Variants in IL24 observed in about 807,000 individuals in gnomAD.
IL24 encodes interleukin-24.
IL24 carries 24 observed loss-of-function variants against 27.6 expected under a neutral mutation model. That is an observed-to-expected ratio of 0.87 (90% CI 0.63 to 1.22). IL24 has a LOEUF of 1.22. Ranked by LOEUF, IL24 falls within the 50% of genes most tolerant of loss-of-function variation. The pLI is 0.00. For missense variants in IL24, 240 were observed against 237.0 expected, an observed-to-expected ratio of 1.01 and a Z score of -0.08; for synonymous variants, 99 against 93.1, an observed-to-expected ratio of 1.06 and a Z score of -0.36.
intron 6 of IL24, chr1:206,902,393 A>ACCCCAC (rs988709648): frequency 2.1e-4 from 84 of 401,698 alleles, no homozygotes; most frequent in Non-Finnish European, 2.6e-4. Context: ...GAAGGGAGAC[A>ACCCCAC]CCCCACCCCC....
rs370686091 is a variant in IL24, at chr1:206,903,056, C to G, written c.618C>G (p.Leu206=). The G allele has an allele frequency of 2.6e-5, 42 of 1,613,510 alleles. No homozygotes were observed. Among genetic ancestry groups the G allele is most frequent in the Non-Finnish European group, 3.3e-5 (39 of 1,179,534 alleles). Residue 206 remains leucine (L), a synonymous_variant, in exon 7 of 7, where the codon CTC becomes CTG. Transcript: ENST00000294984. Reference sequence around the variant, plus strand: ...CCTGGATGCAGAAATTCTACAAGCTCTGAATGTCTAGACCAGGACCTCCCT... The same window carrying G: ...CCTGGATGCAGAAATTCTACAAGCTGTGAATGTCTAGACCAGGACCTCCCT... The part of the protein sequence containing the change: ...LLTWMQKFYK[L]
intron 2 of IL24, 107 bp from the exon 3 acceptor site, chr1:206,899,213 G>A (rs1452209084): frequency 3.0e-5 from 35 of 1,153,234 alleles, no homozygotes. Flanking sequence ...TTGCCCATTG[G>A]AGAGTGCTCG....
At chr1:206,902,788 C>T (rs1406959275) in intron 6 of IL24, 188 bp from the exon 7 acceptor site, 3 of 985,252 alleles carry the variant, frequency 3.0e-6, no homozygotes, top group Admixed American at 1.2e-4. Context: ...TGTTTGTCCT[C>T]ACCCCTGAAG....
At chr1:206,899,587 G>A in intron 3 of IL24, 72 bp downstream of exon 3, 2 of 1,266,494 alleles carry the variant, frequency 1.6e-6, no homozygotes, top group East Asian at 2.4e-5. Context: ...GCGAGGGGAT[G>A]CTATTTTATG....
Position 206,900,364 on chromosome 1 carries a change from A to G in IL24, c.303+7A>G, listed in dbSNP as rs115008149. 2.8e-3 allele frequency: 4,498 copies of G among 1,613,740 alleles called. 84 individuals carry two copies. The African/African-American group carries it at 0.041, about 15-fold the overall frequency. Reference sequence around the variant, plus strand: ...GGTTCTGCAGAACGTCTCGGTAATCAGACCTCGGGGACACCACCCTCTGTG... The same window carrying G: ...GGTTCTGCAGAACGTCTCGGTAATCGGACCTCGGGGACACCACCCTCTGTG... On this transcript the variant is annotated splice_region_variant and intron_variant, in intron 4 of 6. Coordinates refer to ENST00000294984, the MANE Select transcript of IL24 (RefSeq NM_006850.3).
intron 2 of IL24, 24 bp from the exon 3 acceptor site, chr1:206,899,296 G>A (rs373839369): frequency 1.1e-5 from 17 of 1,610,164 alleles, no homozygotes; most frequent in Non-Finnish European, 1.4e-5. Context: ...CGGCCTCACA[G>A]GCTGCCTCCC....
At position 206,901,489 on chromosome 1, in the gene IL24, C is replaced by T; in HGVS notation, c.304-5C>T. Reference sequence around the variant, plus strand: ...TGGCTCAGCAGTGACCCAGACCTTCCCCAGGATGCTGAGAGCTGTTACCTT... The same window carrying T: ...TGGCTCAGCAGTGACCCAGACCTTCTCCAGGATGCTGAGAGCTGTTACCTT... On this transcript the variant is annotated splice_region_variant and splice_polypyrimidine_tract_variant and intron_variant, in intron 4 of 6. Transcript: ENST00000294984. The T allele has an allele frequency of 6.2e-7, 1 of 1,608,904 alleles. No individual in the cohort carries two copies.
chr1:206,898,549 T>C lies in IL24; in HGVS notation c.44+673T>C, dbSNP rs1466511404. Among the ~76,000 whole-genome samples, 4 of 152,204 alleles carry C rather than the reference T, an allele frequency of 2.6e-5. No homozygotes were observed. The East Asian group carries it at 7.7e-4, about 29-fold the overall frequency. On this transcript the variant is annotated intron_variant, in intron 2 of 6. Coordinates refer to ENST00000294984, the MANE Select transcript of IL24 (RefSeq NM_006850.3). ...AAAGAAGGCAGGGGGAAAGAAATTC[T>C]CTGCATCAGTTATAATAAATACATA...
Position 206,899,367 on chromosome 1 carries a change from T to C in IL24, c.92T>C (p.Val31Ala), listed in dbSNP as rs2102523318. 1 of 1,614,202 alleles carries C rather than the reference T, an allele frequency of 6.2e-7. No homozygotes were observed. Among genetic ancestry groups the C allele is most frequent in the South Asian group, 1.1e-5 (1 of 91,088 alleles). Residue 31 changes from valine (V) to alanine (A), a missense_variant, in exon 3 of 7, where the codon GTT becomes GCT. By Grantham distance (64) the Val-to-Ala change is moderately conservative (BLOSUM62 0). Coordinates refer to ENST00000294984, the MANE Select transcript of IL24 (RefSeq NM_006850.3). ...GCGACAGCCTCTCAAATGCAGATGG[T>C]TGTGCTCCCTTGCCTGGGTTTTACC... ...LLATASQMQM[V>A]VLPCLGFTLL...
chr1:206,898,794 G>A (rs549401336), intron 2 of IL24, among the ~76,000 whole-genome samples: 3 of 152,176 alleles, frequency 2.0e-5, no homozygotes, highest in South Asian at 2.1e-4. Flanking sequence ...CCTGGGACCA[G>A]GATTAACCCC....
intron 6 of IL24, chr1:206,902,488 G>C (rs1480118988): frequency 2.1e-6 from 2 of 970,748 alleles, no homozygotes; most frequent in Non-Finnish European, 2.4e-6. Flanking sequence ...AATTATTTTT[G>C]CTTTTCCAAA....
Position 206,904,087 on chromosome 1 carries a change from A to G in IL24, c.*1028A>G, listed in dbSNP as rs934744604. ...TAGGAGGTGGGATATCACTTCCATG[A>G]CATAAGTGCTATTGCAGAGCCGTGG... is the stretch of plus-strand genomic sequence containing the variant. On this transcript the variant is annotated 3_prime_UTR_variant, in exon 7 of 7. Coordinates refer to ENST00000294984, the MANE Select transcript of IL24 (RefSeq NM_006850.3). 6.6e-6 allele frequency: 1 copy of G among 152,348 alleles called. No individual in the cohort carries two copies. The highest frequency in any genetic ancestry group is 2.4e-5 in the African/African-American group (1 of 41,454). The allele number at this position is 152,348 out of a possible 1,614,324, so 9.4% of individuals were successfully genotyped here.
At chr1:206,900,212 T>C in intron 3 of IL24, 83 bp from the exon 4 acceptor site, 2 of 1,233,558 alleles carry the variant, frequency 1.6e-6, no homozygotes, top group Non-Finnish European at 2.4e-6. Flanking sequence ...GATTTAGGGG[T>C]CTAGGGAAGC....
intron 4 of IL24, among the ~76,000 whole-genome samples, chr1:206,900,975 G>A (rs1208601704): frequency 6.6e-6 from 1 of 152,094 alleles, no homozygotes; most frequent in African/African-American, 2.4e-5. Flanking sequence ...CATCTAGTGG[G>A]CACAAACCTA....
chr1:206,900,017 A>T (rs547151285), intron 3 of IL24, among the ~76,000 whole-genome samples: 2 of 152,294 alleles, frequency 1.3e-5, no homozygotes, highest in South Asian at 4.2e-4. Flanking sequence ...CTGCTTCCTT[A>T]TCAAATCTAT....
chr1:206,903,307 A>C lies in IL24; in HGVS notation c.*248A>C. ...GTATTTATTACAACTCTATTTAATT[A>C]ATGTCAGTATTTCAACTGAAGTTCT... On this transcript the variant is annotated 3_prime_UTR_variant, in exon 7 of 7. Transcript: ENST00000294984. 2.3e-6 allele frequency: 1 copy of C among 429,700 alleles called. No individual in the cohort carries two copies. Among genetic ancestry groups the C allele is most frequent in the Non-Finnish European group, 4.2e-6 (1 of 237,212 alleles). The allele number at this position is 429,700 out of a possible 1,614,324, so 26.6% of individuals were successfully genotyped here. A position where few individuals can be genotyped will look rare whatever the true frequency, so the allele number is the denominator to read the frequency against.
intron 3 of IL24, 87 bp downstream of exon 3, chr1:206,899,602 T>C: frequency 8.6e-7 from 1 of 1,160,522 alleles, no homozygotes; most frequent in Non-Finnish European, 1.2e-6. Context: ...TTTATGATTC[T>C]GGAGTCCTTC....
chr1:206,899,445 G>GGCCCTGCCAAGT lies in IL24; in HGVS notation c.172_183dup (p.Pro58_Val61dup), dbSNP rs1429234895. 1.5e-5 allele frequency: 25 copies of GGCCCTGCCAAGT among 1,613,930 alleles called. No individual in the cohort carries two copies. Among genetic ancestry groups the GGCCCTGCCAAGT allele is most frequent in the Non-Finnish European group, 2.0e-5 (24 of 1,179,940 alleles). ...GCCCAGGGCCAAGAATTCCACTTTG[G>GGCCCTGCCAAGT]GCCCTGCCAAGTGAAGGGGGTTGTT... On this transcript the variant is annotated inframe_insertion, in exon 3 of 7. Coordinates refer to ENST00000294984, the MANE Select transcript of IL24 (RefSeq NM_006850.3).
In IL24 at chr1:206,903,909, A is replaced by C. The variant is rs946291450; in HGVS notation, c.*850A>C. 9 of 152,370 alleles carry C rather than the reference A, an allele frequency of 5.9e-5. No individual in the cohort carries two copies. The highest frequency in any genetic ancestry group is 2.2e-4 in the African/African-American group (9 of 41,458). 9.4% of individuals were successfully genotyped at this position (152,370 alleles called of 1,614,324 possible). On this transcript the variant is annotated 3_prime_UTR_variant, in exon 7 of 7. Coordinates refer to ENST00000294984, the MANE Select transcript of IL24 (RefSeq NM_006850.3). ...TCTATTTCTGGATGAATGCCCAGTG[A>C]GACTGTGTTGTACAGCTAGAAAAGG... is the stretch of plus-strand genomic sequence containing the variant.
Sources: allele counts gnomAD v4.1 joint callset (sites outside exome capture counted in the v4.1 genomes callset), GRCh38; gene constraint gnomAD v4.1.1; transcripts MANE v1.5; gene names NCBI Gene and HGNC (gene_info 2026-07-23, HGNC 2026-07-21).